SGCZ: variants seen among roughly 807,000 people sequenced by gnomAD.
The protein encoded by SGCZ is zeta-sarcoglycan.
A neutral mutation model predicts 41.3 loss-of-function variants in SGCZ; 40 were observed. The ratio of observed to expected loss-of-function variants is 0.97; its 90% CI spans 0.75 to 1.26. SGCZ has a LOEUF of 1.26. Among genes scored for constraint, SGCZ ranks in the 50% most tolerant of loss-of-function variants. SGCZ has a pLI of 0.00. For missense variants in SGCZ, 552 were observed against 369.8 expected, an observed-to-expected ratio of 1.49 and a Z score of -4.04; for synonymous variants, 206 against 137.5, an observed-to-expected ratio of 1.50 and a Z score of -3.49.
chr8:14,625,161 T>C (rs577368765), intron 1 of SGCZ, among the ~76,000 whole-genome samples: 2 of 152,312 alleles, frequency 1.3e-5, no homozygotes, highest in Non-Finnish European at 2.9e-5. Context: ...GCTCACTGTG[T>C]TCAGTGTTCC....
intron 5 of SGCZ, among the ~76,000 whole-genome samples, chr8:14,116,823 C>T (rs986263211): frequency 3.3e-5 from 5 of 152,064 alleles, no homozygotes; most frequent in Non-Finnish European, 5.9e-5. Flanking sequence ...GCACGTTTCT[C>T]CAGAACCAAT....
chr8:14,408,948 A>AGTGTGTGTGTGTGTGTGTGTGTGTGT (rs775874986), intron 2 of SGCZ, among the ~76,000 whole-genome samples: 1 of 112,128 alleles, frequency 8.9e-6, no homozygotes, highest in African/African-American at 3.1e-5. Context: ...TTTTAAATTA[A>AGTGTGTGTGTGTGTGTGTGTGTGTGT]GAGAGTGTGT....
intron 1 of SGCZ, among the ~76,000 whole-genome samples, chr8:14,821,539 T>C (rs916056266): frequency 2.0e-5 from 3 of 152,052 alleles, no homozygotes; most frequent in Non-Finnish European, 4.4e-5. Flanking sequence ...CTAATATCCC[T>C]GATGAACATA....
At chr8:14,312,747 T>A (rs921813729) in intron 3 of SGCZ, among the ~76,000 whole-genome samples, 3 of 152,036 alleles carry the variant, frequency 2.0e-5, no homozygotes, top group Non-Finnish European at 4.4e-5. Flanking sequence ...TGATACTTCT[T>A]TAAAATTCCT....
At chr8:14,216,469 C>T (rs185947045) in intron 4 of SGCZ, among the ~76,000 whole-genome samples, 1 of 152,276 alleles carries the variant, frequency 6.6e-6, no homozygotes, top group East Asian at 1.9e-4. Flanking sequence ...CACAAACAAA[C>T]TTCCTAGAGT....
rs1019138336 is a variant in SGCZ at position 15,079,115 on chromosome 8, C to T, written c.39+158470G>A. 2.6e-5 allele frequency among the ~76,000 whole-genome samples: 4 copies of T among 152,234 alleles called. No individual in the cohort carries two copies. The East Asian group carries it at 7.7e-4, about 29-fold the overall frequency. On this transcript the variant is annotated intron_variant, in intron 1 of 7. Transcript: ENST00000382080. ...GCCTCTAAAAGATCCGTAACTTTTA[C>T]ATTGTCAGGCTTTATGACTTTTACA...
At chr8:14,772,435 T>C (rs1435630963) in intron 1 of SGCZ, among the ~76,000 whole-genome samples, 1 of 152,102 alleles carries the variant, frequency 6.6e-6, no homozygotes, top group Non-Finnish European at 1.5e-5. Context: ...TCTTTTTTTT[T>C]TCATTATTAT....
intron 3 of SGCZ, among the ~76,000 whole-genome samples, chr8:14,300,604 G>C (rs1211435288): frequency 6.6e-6 from 1 of 152,032 alleles, no homozygotes; most frequent in South Asian, 2.1e-4. Flanking sequence ...GGTATGGAAA[G>C]GTTTTAAACT....
intron 1 of SGCZ, among the ~76,000 whole-genome samples, chr8:14,815,036 G>C (rs886680250): frequency 1.2e-4 from 18 of 152,014 alleles, no homozygotes; most frequent in Non-Finnish European, 1.5e-5. Flanking sequence ...TGAAAACTGA[G>C]ATTCTCTGAT....
At chr8:14,913,363 T>C (rs1799333262) in intron 1 of SGCZ, among the ~76,000 whole-genome samples, 1 of 152,090 alleles carries the variant, frequency 6.6e-6, no homozygotes, top group East Asian at 1.9e-4. Flanking sequence ...CTCACAACTA[T>C]ATGGTCTTAG....
At chr8:14,917,047 C>G (rs943169937) in intron 1 of SGCZ, among the ~76,000 whole-genome samples, 1 of 152,032 alleles carries the variant, frequency 6.6e-6, no homozygotes, top group Non-Finnish European at 1.5e-5. Flanking sequence ...TTCAAACAGA[C>G]AGCTTGACAT....
intron 1 of SGCZ, among the ~76,000 whole-genome samples, chr8:14,999,308 G>A (rs899949281): frequency 6.6e-6 from 1 of 152,126 alleles, no homozygotes; most frequent in East Asian, 1.9e-4. Flanking sequence ...ATTAATACTT[G>A]CTGAGATACG....
At chr8:14,216,434 C>T (rs1161582560) in intron 4 of SGCZ, among the ~76,000 whole-genome samples, 1 of 152,100 alleles carries the variant, frequency 6.6e-6, no homozygotes, top group Non-Finnish European at 1.5e-5. Context: ...CAAATCTACA[C>T]AAAGACAGTG....
At chr8:14,259,911 A>G (rs1335952315) in intron 3 of SGCZ, among the ~76,000 whole-genome samples, 2 of 152,034 alleles carry the variant, frequency 1.3e-5, no homozygotes, top group East Asian at 3.9e-4. Context: ...CAGTATGGCC[A>G]TTTTCACGAT....
At chr8:14,211,701 C>A (rs558552362) in intron 4 of SGCZ, among the ~76,000 whole-genome samples, 2 of 152,044 alleles carry the variant, frequency 1.3e-5, no homozygotes, top group African/African-American at 2.4e-5. Context: ...CACTTTTAAA[C>A]CATCACATCT....
intron 4 of SGCZ, among the ~76,000 whole-genome samples, chr8:14,171,699 T>C: frequency 6.6e-6 from 1 of 152,052 alleles, no homozygotes; most frequent in African/African-American, 2.4e-5. Flanking sequence ...AGTTTCTATC[T>C]TTTCTTGAGT....
intron 2 of SGCZ, among the ~76,000 whole-genome samples, chr8:14,545,272 C>T (rs1479700559): frequency 6.6e-6 from 1 of 152,028 alleles, no homozygotes; most frequent in African/African-American, 2.4e-5. Flanking sequence ...ATAGAAAGGA[C>T]AGTGATGCTA....
intron 1 of SGCZ, among the ~76,000 whole-genome samples, chr8:14,815,298 T>C (rs1801869563): frequency 6.6e-6 from 1 of 152,016 alleles, no homozygotes; most frequent in African/African-American, 2.4e-5. Context: ...AAGAAAAATT[T>C]GTTTCATAAC....
intron 1 of SGCZ, among the ~76,000 whole-genome samples, chr8:15,113,045 C>T (rs1415547536): frequency 2.0e-5 from 3 of 151,970 alleles, no homozygotes; most frequent in East Asian, 1.9e-4. Context: ...CCTGTCTCCA[C>T]AAAAAATACA....
Sources: gnomAD v4.1 joint callset for allele counts (sites outside exome capture counted in the v4.1 genomes callset) on GRCh38, gnomAD v4.1.1 for gene constraint, MANE v1.5 for transcripts, NCBI Gene and HGNC (gene_info 2026-07-23, HGNC 2026-07-21) for gene names.